The following CBFA2T3 variants were observed in gnomAD, a reference collection of about 807,000 sequenced individuals.
CBFA2T3 encodes CBFA2/RUNX1 partner transcriptional co-repressor 3.
CBFA2T3 carries 31 observed loss-of-function variants against 58.6 expected under a neutral mutation model. The ratio of observed to expected loss-of-function variants is 0.53; its 90% confidence interval spans 0.40 to 0.71. The LOEUF is 0.71. Among genes scored for constraint, CBFA2T3 ranks in the 30% least tolerant of loss-of-function variants. The pLI is 0.00. For missense variants in CBFA2T3, 1,076 were observed against 963.1 expected (o/e 1.12, Z -1.55); for synonymous variants, 531 against 421.9 (o/e 1.26, Z -3.17).
chr16:88,976,577 G>T, intron 1 of CBFA2T3, 80 bp downstream of exon 1: 1 of 1,102,572 alleles, frequency 9.1e-7, no homozygotes, highest in Non-Finnish European at 1.3e-6. Flanking sequence ...CAGGCCCCGC[G>T]AAGCTCTAAG....
intron 3 of CBFA2T3, among the ~76,000 whole-genome samples, chr16:88,897,358 C>T (rs912484122): frequency 6.6e-6 from 1 of 152,264 alleles, no homozygotes; most frequent in African/African-American, 2.4e-5. Context: ...CACACCTGGG[C>T]CATGCTGCCA....
At chr16:88,911,632 C>T (rs575603349) in intron 1 of CBFA2T3, among the ~76,000 whole-genome samples, 16 of 152,356 alleles carry the variant, frequency 1.1e-4, no homozygotes, top group African/African-American at 3.4e-4. Flanking sequence ...ATGGAATTCC[C>T]GCAGAATCAC....
chr16:88,959,328 C>A (rs1007148788), intron 1 of CBFA2T3, among the ~76,000 whole-genome samples: 1 of 152,094 alleles, frequency 6.6e-6, no homozygotes, highest in Non-Finnish European at 1.5e-5. Context: ...GGTCTCCTTG[C>A]GGGAGAGAGT....
At chr16:88,891,790 C>A in intron 5 of CBFA2T3, 92 bp downstream of exon 5, 1 of 888,090 alleles carries the variant, frequency 1.1e-6, no homozygotes, top group Non-Finnish European at 1.8e-6. Context: ...AGCCCCTTCC[C>A]GCCTGTCCAC....
intron 1 of CBFA2T3, among the ~76,000 whole-genome samples, chr16:88,946,818 C>T (rs563002001): frequency 1.3e-5 from 2 of 151,452 alleles, no homozygotes; most frequent in South Asian, 4.2e-4. Flanking sequence ...CAGGGTCTCA[C>T]TCTGTCTCCC....
intron 1 of CBFA2T3, among the ~76,000 whole-genome samples, chr16:88,917,818 G>A (rs1415427181): frequency 6.6e-6 from 1 of 152,240 alleles, no homozygotes; most frequent in East Asian, 1.9e-4. Flanking sequence ...AGACGAGAGT[G>A]TGCGTGAAGA....
At chr16:88,921,739 C>T (rs964524281) in intron 1 of CBFA2T3, among the ~76,000 whole-genome samples, 2 of 152,250 alleles carry the variant, frequency 1.3e-5, no homozygotes, top group African/African-American at 4.8e-5. Flanking sequence ...TTTCCTGAGC[C>T]GTACATCCGC....
In CBFA2T3 at chr16:88,885,960, C is replaced by G. The variant is rs1287528900; in HGVS notation, c.893+1G>C. On this transcript the variant is annotated splice_donor_variant, in intron 6 of 11. Transcript: ENST00000268679. LOFTEE classifies it high-confidence loss of function. The surrounding 1 kb of genome is among the most constrained non-coding windows in gnomAD (Gnocchi z 5.3). ...CCCAGATCCCCGGAGCCCACAGGTA[C>G]CTGTCGGGCGTCCTCCTCTTGCCGT... is the stretch of plus-strand genomic sequence containing the variant. 6 of 1,548,080 alleles carry G rather than the reference C, an allele frequency of 3.9e-6. No homozygotes were observed. The highest frequency in any genetic ancestry group is 5.2e-6 in the Non-Finnish European group (6 of 1,146,880).
rs144418331 is a variant in CBFA2T3, at chr16:88,877,037, G to C, written c.1901C>G (p.Ala634Gly). ...GGGGGAGCCGGGGCGAGAAGGCCCC[G>C]CAGAGCCGGCTTCGCTGGGGCTGGC... ...GAASPSEAGS[A>G]GPSRPGSPSP... Residue 634 changes from alanine to glycine, a missense_variant, in exon 12 of 12, where the codon GCG becomes GGG. Ala to Gly is a moderately conservative substitution (Grantham distance 60, BLOSUM62 0). Coordinates refer to ENST00000268679, the MANE Select transcript of CBFA2T3 (RefSeq NM_005187.6). 3 of 1,507,942 alleles carry C rather than the reference G, an allele frequency of 2.0e-6. No individual in the cohort carries two copies. Among genetic ancestry groups the C allele is most frequent in the Non-Finnish European group, 2.7e-6 (3 of 1,129,550 alleles). 93.4% of individuals were successfully genotyped at this position (1,507,942 alleles called of 1,614,324 possible). A position where few individuals can be genotyped will look rare whatever the true frequency, so the allele number is the denominator to read the frequency against.
rs188869248 is a variant in CBFA2T3 at position 88,889,765 on chromosome 16, C to G, written c.711+2117G>C. On this transcript the variant is annotated intron_variant, in intron 5 of 11. Transcript: ENST00000268679. ...ATCCCTGGACGACGCCCCGCGATTCCTCCTCCTCCAGGGACGACGCCACGC... is the reference window on the plus strand; with the variant it reads ...ATCCCTGGACGACGCCCCGCGATTCGTCCTCCTCCAGGGACGACGCCACGC... Among the ~76,000 whole-genome samples the G allele has an allele frequency of 3.6e-3, 538 of 149,484 alleles. 1 individual carries two copies. The highest frequency in any genetic ancestry group is 0.011 in the Middle Eastern group (3 of 280).
At chr16:88,944,240 G>A (rs1328738919) in intron 1 of CBFA2T3, among the ~76,000 whole-genome samples, 5 of 151,506 alleles carry the variant, frequency 3.3e-5, no homozygotes, top group Non-Finnish European at 7.4e-5. Flanking sequence ...GGGAGGCTGA[G>A]GCAGGAGAAT....
At chr16:88,915,991 T>C (rs955325939) in intron 1 of CBFA2T3, among the ~76,000 whole-genome samples, 4 of 152,072 alleles carry the variant, frequency 2.6e-5, no homozygotes, top group African/African-American at 9.7e-5. Flanking sequence ...TGTGTGTCCA[T>C]GGGTGCCTGT....
chr16:88,913,700 G>A (rs936186933), intron 1 of CBFA2T3, among the ~76,000 whole-genome samples: 1 of 152,164 alleles, frequency 6.6e-6, no homozygotes, highest in Non-Finnish European at 1.5e-5. Flanking sequence ...CTCAGGACAT[G>A]TGCACAAACA....
At chr16:88,957,962 T>C (rs899555448) in intron 1 of CBFA2T3, among the ~76,000 whole-genome samples, 1 of 152,222 alleles carries the variant, frequency 6.6e-6, no homozygotes, top group African/African-American at 2.4e-5. Flanking sequence ...CACTGACTTG[T>C]GTACTTGAGA....
In CBFA2T3 at chr16:88,885,661, A is replaced by G. The variant is rs79771118; in HGVS notation, c.893+300T>C. ...GGCCCAGCCCAGGCACCTGGGGACC[A>G]TGGACCCCGGACGCTCGGAGTCCAT... On this transcript the variant is annotated intron_variant, in intron 6 of 11. Coordinates refer to ENST00000268679, the MANE Select transcript of CBFA2T3 (RefSeq NM_005187.6). The surrounding 1 kb of genome is among the most constrained non-coding windows in gnomAD (Gnocchi z 5.3). 9.1e-6 allele frequency: 4 copies of G among 441,304 alleles called. No individual in the cohort carries two copies. The highest frequency in any genetic ancestry group is 1.6e-5 in the Non-Finnish European group (4 of 245,946). 27.3% of individuals were successfully genotyped at this position (441,304 alleles called of 1,614,324 possible).
At chr16:88,896,718 G>T (rs981635919) in intron 3 of CBFA2T3, among the ~76,000 whole-genome samples, 1 of 152,184 alleles carries the variant, frequency 6.6e-6, no homozygotes, top group African/African-American at 2.4e-5. Flanking sequence ...AGGGACTGTC[G>T]TCAGGACTGT....
At position 88,875,698 on chromosome 16, in the gene CBFA2T3, T is replaced by C. The variant is rs1160021244; in HGVS notation, c.*1278A>G. 7 of 233,268 alleles carry C rather than the reference T, an allele frequency of 3.0e-5. No homozygotes were observed. The Admixed American group carries it at 3.9e-4, about 13-fold the overall frequency. The allele number at this position is 233,268 out of a possible 1,614,324, so 14.4% of individuals were successfully genotyped here. On this transcript the variant is annotated 3_prime_UTR_variant, in exon 12 of 12. Coordinates refer to ENST00000268679, the MANE Select transcript of CBFA2T3 (RefSeq NM_005187.6). ...GGACGGGCTGGCCGAGAAGCAGTGT[T>C]TCAGGGAGGCCTGCTGGCTCCGCAT...
At chr16:88,940,006 C>T (rs983674777) in intron 1 of CBFA2T3, 3 of 152,368 alleles carry the variant, frequency 2.0e-5, no homozygotes, top group Non-Finnish European at 2.9e-5. Context: ...TGTTCCTCGT[C>T]CAGGAGAGGA....
chr16:88,917,871 C>T (rs1052308650), intron 1 of CBFA2T3, among the ~76,000 whole-genome samples: 10 of 150,154 alleles, frequency 6.7e-5, no homozygotes, highest in African/African-American at 2.4e-4. Context: ...CGGAGGAGAG[C>T]GTGGGTGCGG....
Sources: allele counts gnomAD v4.1 joint callset (sites outside exome capture counted in the v4.1 genomes callset), GRCh38; gene constraint gnomAD v4.1.1; non-coding constraint Gnocchi (gnomAD v3.1); transcripts MANE v1.5; gene names NCBI Gene and HGNC (gene_info 2026-07-23, HGNC 2026-07-21).